Variants in CADM2 observed in about 807,000 individuals in gnomAD.
CADM2 encodes cell adhesion molecule 2.
Under a neutral mutation model 49.8 loss-of-function variants are expected in CADM2, and 12 were observed. The observed-to-expected ratio is 0.24, with a 90% CI of 0.15 to 0.39. The LOEUF (loss-of-function observed/expected upper bound fraction) is 0.39, where lower values mean the gene tolerates loss of function less well. CADM2 is among the 10% of genes least tolerant of loss of function. The pLI is 1.00. For synonymous variants in CADM2, 214 were observed against 175.4 expected (o/e 1.22, Z -1.74); for missense variants, 378 against 492.3 (o/e 0.77, Z 2.20).
chr3:85,413,538 G>T (rs1301625113), intron 1 of CADM2, among the ~76,000 whole-genome samples: 2 of 152,144 alleles, frequency 1.3e-5, no homozygotes, highest in East Asian at 3.9e-4. Flanking sequence ...TGGCTTCTGA[G>T]AAGGCCTCAG....
At chr3:85,491,756 C>A (rs535173934) in intron 1 of CADM2, among the ~76,000 whole-genome samples, 1 of 152,032 alleles carries the variant, frequency 6.6e-6, no homozygotes, top group African/African-American at 2.4e-5. Context: ...TCGAGACCAT[C>A]CTTGCTGACA....
intron 8 of CADM2, among the ~76,000 whole-genome samples, chr3:85,968,680 T>C (rs1725752000): frequency 6.6e-6 from 1 of 151,684 alleles, no homozygotes; most frequent in Admixed American, 6.6e-5. Flanking sequence ...TGGCACTCGG[T>C]CCTTCTATAT....
chr3:85,144,620 A>AAAAAGAAAG (rs373935603), intron 1 of CADM2, among the ~76,000 whole-genome samples: 2,922 of 136,348 alleles, frequency 0.021, 54 homozygotes, highest in African/African-American at 0.051. Context: ...TCAAAAAAAA[A>AAAAAGAAAG]AAAGAAAGAA....
At chr3:85,624,384 G>C (rs1478034285) in intron 1 of CADM2, among the ~76,000 whole-genome samples, 2 of 152,058 alleles carry the variant, frequency 1.3e-5, no homozygotes, top group Non-Finnish European at 2.9e-5. Context: ...CCAGGCTGGA[G>C]TGCAGTGGTG....
rs182872548 is a variant in CADM2 at position 85,416,318 on chromosome 3, A to C, written c.62-310204A>C. ...CTTTTGATGATGGCCTTTCACACAA[A>C]GATAATCAAAGACAATTATATTTAT... is the stretch of plus-strand genomic sequence containing the variant. On this transcript the variant is annotated intron_variant, in intron 1 of 9. Coordinates refer to ENST00000383699, the MANE Select transcript of CADM2 (RefSeq NM_001167675.2). Among the ~76,000 whole-genome samples, 44 of 152,274 alleles carry C rather than the reference A, an allele frequency of 2.9e-4. No homozygotes were observed. The East Asian group carries it at 8.1e-3, about 28-fold the overall frequency.
At chr3:85,492,392 G>A (rs779202748) in intron 1 of CADM2, among the ~76,000 whole-genome samples, 5 of 152,084 alleles carry the variant, frequency 3.3e-5, no homozygotes, top group African/African-American at 7.2e-5. Flanking sequence ...AGGAGATGGA[G>A]ACCAGCCTAC....
intron 1 of CADM2, among the ~76,000 whole-genome samples, chr3:85,266,648 C>T (rs2043126824): frequency 6.6e-6 from 1 of 151,774 alleles, no homozygotes; most frequent in Non-Finnish European, 1.5e-5. Flanking sequence ...TCTTGCAATA[C>T]ATAGATATCA....
chr3:84,992,913 A>G (rs2032972169), intron 1 of CADM2, among the ~76,000 whole-genome samples: 1 of 152,162 alleles, frequency 6.6e-6, no homozygotes. Context: ...CTTTTCAAGT[A>G]GTAGATTTCA....
At chr3:85,291,921 C>A (rs867076926) in intron 1 of CADM2, among the ~76,000 whole-genome samples, 96 of 151,764 alleles carry the variant, frequency 6.3e-4, no homozygotes, top group African/African-American at 1.9e-3. Flanking sequence ...ATGACAGGAT[C>A]AAATTCACAC....
chr3:85,852,580 GA>G (rs1406169004), intron 3 of CADM2, among the ~76,000 whole-genome samples: 1 of 151,762 alleles, frequency 6.6e-6, no homozygotes, highest in Non-Finnish European at 1.5e-5. Flanking sequence ...TTGAGAGAAA[GA>G]AAAAAATGTA....
chr3:86,049,938 G>A (rs1238348317), intron 8 of CADM2, among the ~76,000 whole-genome samples: 4 of 152,154 alleles, frequency 2.6e-5, no homozygotes, highest in African/African-American at 9.7e-5. Flanking sequence ...TGTGCCTGAT[G>A]CTTCAAATCT....
At chr3:85,307,240 G>T (rs1367108885) in intron 1 of CADM2, among the ~76,000 whole-genome samples, 1 of 151,340 alleles carries the variant, frequency 6.6e-6, no homozygotes, top group Non-Finnish European at 1.5e-5. Context: ...TTATCTAAAA[G>T]CTTCAGGATT....
At chr3:85,902,216 T>A (rs1716219686) in intron 5 of CADM2, among the ~76,000 whole-genome samples, 1 of 152,082 alleles carries the variant, frequency 6.6e-6, no homozygotes, top group East Asian at 1.9e-4. Context: ...CATAGATGTA[T>A]ACATACTTAT....
chr3:85,064,997 G>T (rs192968376), intron 1 of CADM2, among the ~76,000 whole-genome samples: 2 of 152,070 alleles, frequency 1.3e-5, no homozygotes, highest in African/African-American at 4.8e-5. Context: ...ACAGCAGAGA[G>T]ATTTGGAAAG....
intron 3 of CADM2, chr3:85,828,030 A>G (rs17023388): frequency 0.2 from 30,616 of 151,880 alleles, 3,662 homozygotes; most frequent in East Asian, 0.41. Context: ...AGTGGTGCAT[A>G]TTACTTCTAG....
intron 1 of CADM2, among the ~76,000 whole-genome samples, chr3:85,322,573 G>C (rs1371607217): frequency 1.3e-5 from 2 of 152,168 alleles, no homozygotes. Context: ...ATTATTAATA[G>C]AAATGTCCAT....
At chr3:85,096,466 A>G (rs1317522253) in intron 1 of CADM2, among the ~76,000 whole-genome samples, 2 of 152,110 alleles carry the variant, frequency 1.3e-5, no homozygotes, top group Admixed American at 1.3e-4. Context: ...AAGAAAATAG[A>G]TCTTATTAAA....
chr3:85,499,314 A>G (rs1486757346), intron 1 of CADM2, among the ~76,000 whole-genome samples: 1 of 152,026 alleles, frequency 6.6e-6, no homozygotes, highest in Non-Finnish European at 1.5e-5. Flanking sequence ...TTCAGTCATC[A>G]TGACTTTTGG....
intron 1 of CADM2, among the ~76,000 whole-genome samples, chr3:85,121,121 A>G (rs2038848387): frequency 6.6e-6 from 1 of 152,142 alleles, no homozygotes; most frequent in African/African-American, 2.4e-5. Context: ...AGCAGAAGGA[A>G]GGTGTTCTTT....
Sources: allele counts gnomAD v4.1 joint callset (sites outside exome capture counted in the v4.1 genomes callset), GRCh38; gene constraint gnomAD v4.1.1; transcripts MANE v1.5; gene names NCBI Gene and HGNC (gene_info 2026-07-23, HGNC 2026-07-21).